The following UGGT2 variants were observed in gnomAD, a reference collection of about 807,000 sequenced individuals.
UGGT2 encodes UDP-glucose:glycoprotein glucosyltransferase 2.
In UGGT2, 180 loss-of-function variants were observed where a neutral mutation model predicts 192.1. The observed-to-expected ratio is 0.94, with a 90% confidence interval of 0.83 to 1.06. The LOEUF is 1.06. Ranked by LOEUF, UGGT2 falls within the 50% of genes least tolerant of loss-of-function variation. The pLI is 0.00. For missense variants in UGGT2, 1,849 were observed against 1,795.7 expected (o/e 1.03, Z -0.54); for synonymous variants, 580 against 591.0 (o/e 0.98, Z 0.27).
At chr13:95,888,094 C>A in intron 25 of UGGT2, 123 bp from the exon 26 acceptor site, 1 of 592,772 alleles carries the variant, frequency 1.7e-6, no homozygotes, top group Non-Finnish European at 2.8e-6. Context: ...TTGATCCTTA[C>A]AACGCCCTGC....
At position 95,930,630 on chromosome 13, in the gene UGGT2, A is replaced by G. The variant is rs374387533; in HGVS notation, c.1978-3294T>C. On this transcript the variant is annotated intron_variant, in intron 17 of 38. Transcript: ENST00000376747. Reference sequence around the variant, plus strand: ...CATTAGTCTATGTGTCTATTTTTGTACCAGTACCATGCTGCTCTGGTTACT... The same window carrying G: ...CATTAGTCTATGTGTCTATTTTTGTGCCAGTACCATGCTGCTCTGGTTACT... 2.6e-5 allele frequency among the ~76,000 whole-genome samples: 4 copies of G among 152,262 alleles called. No homozygotes were observed. The East Asian group carries it at 5.8e-4, about 22-fold the overall frequency.
intron 20 of UGGT2, among the ~76,000 whole-genome samples, chr13:95,916,687 A>G (rs1316087768): frequency 6.6e-6 from 1 of 152,206 alleles, no homozygotes; most frequent in East Asian, 1.9e-4. Context: ...AACGAGAACA[A>G]TCAGTTTAGA....
At chr13:95,925,576 G>A (rs189552947) in intron 20 of UGGT2, 104 bp downstream of exon 20, 3 of 812,606 alleles carry the variant, frequency 3.7e-6, no homozygotes, top group Non-Finnish European at 5.3e-6. Flanking sequence ...CTACTTAACT[G>A]AAACATTAAC....
chr13:95,854,520 A>C (rs1338870320), intron 34 of UGGT2, 45 bp from the exon 35 acceptor site: 1 of 1,485,156 alleles, frequency 6.7e-7, no homozygotes, highest in Non-Finnish European at 9.0e-7. Flanking sequence ...GTAAAATAAC[A>C]TAAGCCCTTT....
At chr13:95,902,155 T>G (rs550337568) in intron 21 of UGGT2, among the ~76,000 whole-genome samples, 1 of 152,164 alleles carries the variant, frequency 6.6e-6, no homozygotes, top group Non-Finnish European at 1.5e-5. Context: ...TTTGAATTTA[T>G]TGTCATTAAT....
At chr13:95,942,373 G>A (rs977510163) in intron 15 of UGGT2, among the ~76,000 whole-genome samples, 3 of 151,808 alleles carry the variant, frequency 2.0e-5, no homozygotes, top group African/African-American at 7.3e-5. Context: ...AGGCAGGGTA[G>A]CAATGTAAAT....
At chr13:95,951,845 G>GTGGGTGGA (rs1240799522) in intron 12 of UGGT2, among the ~76,000 whole-genome samples, 1 of 152,090 alleles carries the variant, frequency 6.6e-6, no homozygotes, top group African/African-American at 2.4e-5. Flanking sequence ...GGATCATGAG[G>GTGGGTGGA]TCAGGAGTTC....
At chr13:95,872,814 T>A (rs1342593655) in intron 29 of UGGT2, among the ~76,000 whole-genome samples, 2 of 152,190 alleles carry the variant, frequency 1.3e-5, no homozygotes, top group Non-Finnish European at 2.9e-5. Context: ...TAAAATAGAA[T>A]CTAAATCATG....
chr13:95,825,819 C>A (rs745951862), intron 38 of UGGT2, among the ~76,000 whole-genome samples: 1 of 152,120 alleles, frequency 6.6e-6, no homozygotes, highest in Non-Finnish European at 1.5e-5. Context: ...GCAGAAAGAT[C>A]TGGGACTCAA....
chr13:95,966,693 CA>C (rs1433584851), intron 12 of UGGT2, among the ~76,000 whole-genome samples: 1 of 151,878 alleles, frequency 6.6e-6, no homozygotes, highest in Non-Finnish European at 1.5e-5. Flanking sequence ...TATTGTGTAT[CA>C]ATTTAAAAAA....
intron 10 of UGGT2, among the ~76,000 whole-genome samples, chr13:95,975,229 A>G (rs2050899907): frequency 1.3e-5 from 2 of 152,338 alleles, no homozygotes; most frequent in East Asian, 3.9e-4. Context: ...AGCTTCCTAG[A>G]TGACCTAGGA....
Position 95,937,021 on chromosome 13 carries a change from G to A in UGGT2, c.1880C>T (p.Pro627Leu), listed in dbSNP as rs763978613. 5.0e-6 allele frequency: 8 copies of A among 1,606,456 alleles called. No homozygotes were observed. Among genetic ancestry groups the A allele is most frequent in the East Asian group, 2.2e-5 (1 of 44,782 alleles). The change falls in exon 17 of 39, where the codon CCC (proline) becomes CTC (leucine). Residue 627 changes from proline to leucine, a missense_variant. Transcript: ENST00000376747. ...PLPQALYNGE[P>L]FKHEEMNIKE... is the part of the protein sequence containing the mutation. ...AATATTCATCTCTTCATGTTTAAAG[G>A]GTTCACCATTATAAAGAGCTTGAGG...
intron 22 of UGGT2, among the ~76,000 whole-genome samples, chr13:95,899,657 CCT>C (rs1227101082): frequency 6.6e-6 from 1 of 151,902 alleles, no homozygotes; most frequent in African/African-American, 2.4e-5. Flanking sequence ...CCATTGTTTC[CCT>C]CTTTATCCCT....
intron 2 of UGGT2, among the ~76,000 whole-genome samples, chr13:96,025,847 G>C (rs556104062): frequency 6.6e-6 from 1 of 152,196 alleles, no homozygotes; most frequent in South Asian, 2.1e-4. Context: ...GATTAAATTA[G>C]AAGGAGCACA....
intron 27 of UGGT2, among the ~76,000 whole-genome samples, chr13:95,882,933 A>C (rs945692018): frequency 6.6e-6 from 1 of 152,172 alleles, no homozygotes. Flanking sequence ...AGACTCTATT[A>C]AGAGATCTGA....
rs1477348956 is a variant in UGGT2, at chr13:95,940,046, T to A, written c.1723A>T (p.Asn575Tyr). The change falls in exon 16 of 39, where the codon AAT (asparagine) becomes TAT (tyrosine). Residue 575 changes from asparagine to tyrosine, a missense_variant. Transcript: ENST00000376747. Reference protein sequence around the residue: ...KKDQNILTVDNVKSVLQNTFP... With the variant: ...KKDQNILTVDYVKSVLQNTFP... Reference sequence around the variant, plus strand: ...GTATTTTGGAGAACACTCTTCACATTGTCCACAGTGAGTATATTTTGATCC... The same window carrying A: ...GTATTTTGGAGAACACTCTTCACATAGTCCACAGTGAGTATATTTTGATCC... 5 of 1,579,010 alleles carry A rather than the reference T, an allele frequency of 3.2e-6. No homozygotes were observed. In the African/African-American group the frequency reaches 6.9e-5, roughly 22 times the overall value.
At position 95,963,387 on chromosome 13, in the gene UGGT2, A is replaced by G. The variant is rs1322460747; in HGVS notation, c.1335+6725T>C. On this transcript the variant is annotated intron_variant, in intron 12 of 38. Coordinates refer to ENST00000376747, the MANE Select transcript of UGGT2 (RefSeq NM_020121.4). The stretch of plus-strand genomic sequence containing the variant: ...AAAACTCTAAACAAACTAGACACCA[A>G]AGGAATATACCTTAGCATAATATAA... Among the ~76,000 whole-genome samples, 5 of 152,268 alleles carry G rather than the reference A, an allele frequency of 3.3e-5. 1 individual carries two copies. In the Middle Eastern group the frequency reaches 0.01, roughly 311 times the overall value.
chr13:95,925,874 T>C, intron 19 of UGGT2, 100 bp from the exon 20 acceptor site: 1 of 733,060 alleles, frequency 1.4e-6, no homozygotes, highest in African/African-American at 1.8e-5. Context: ...AAAATTAAAA[T>C]AATATTTCTG....
chr13:96,040,328 T>C lies in UGGT2; in HGVS notation c.159-8357A>G, dbSNP rs550005991. On this transcript the variant is annotated intron_variant, in intron 1 of 38. Coordinates refer to ENST00000376747, the MANE Select transcript of UGGT2 (RefSeq NM_020121.4). ...TGTTCCATCCTGGTGGCTTCAGCTG[T>C]TCCTTGGCTTGAGGCTGCCTAACTC... Among the ~76,000 whole-genome samples, 104 of 152,192 alleles carry C rather than the reference T, an allele frequency of 6.8e-4. 1 individual carries two copies. The highest frequency in any genetic ancestry group is 1.1e-3 in the Non-Finnish European group (78 of 68,006).
Sources: gnomAD v4.1 joint callset for allele counts (sites outside exome capture counted in the v4.1 genomes callset) on GRCh38, gnomAD v4.1.1 for gene constraint, MANE v1.5 for transcripts, NCBI Gene and HGNC (gene_info 2026-07-23, HGNC 2026-07-21) for gene names.